The following C3orf70 variants were observed in gnomAD, a reference collection of about 807,000 sequenced individuals.
The protein encoded by C3orf70 is chromosome 3 open reading frame 70, also known as UPF0524 protein C3orf70.
Under a neutral mutation model 20.7 loss-of-function variants are expected in C3orf70, and 15 were observed. The ratio of observed to expected loss-of-function variants is 0.72; its 90% confidence interval spans 0.48 to 1.11. The LOEUF is 1.11. Among genes scored for constraint, C3orf70 ranks in the 50% most tolerant of loss-of-function variants. The probability of loss-of-function intolerance (pLI) is 0.00; values close to 1 mark genes in which losing one functional copy is unlikely to be tolerated. For missense variants in C3orf70, 332 were observed against 317.6 expected, an observed-to-expected ratio of 1.05 and a Z score of -0.34; for synonymous variants, 161 against 125.7, an observed-to-expected ratio of 1.28 and a Z score of -1.88.
At chr3:185,110,108 C>A (rs936878107) in intron 1 of C3orf70, among the ~76,000 whole-genome samples, 22 of 152,166 alleles carry the variant, frequency 1.4e-4, no homozygotes, top group Admixed American at 1.0e-3. Context: ...TATAGTGGCA[C>A]CTCAACCTCA....
intron 1 of C3orf70, among the ~76,000 whole-genome samples, chr3:185,121,135 A>C (rs1248609354): frequency 2.0e-5 from 3 of 152,184 alleles, no homozygotes; most frequent in Non-Finnish European, 2.9e-5. Flanking sequence ...AGGAATGGAA[A>C]ACCAAACATC....
Position 185,130,636 on chromosome 3 carries a change from A to G in C3orf70, c.196+21992T>C, listed in dbSNP as rs529180372. Among the ~76,000 whole-genome samples the G allele has an allele frequency of 3.3e-5, 5 of 152,292 alleles. No individual in the cohort carries two copies. The South Asian group carries it at 1.0e-3, about 32-fold the overall frequency. On this transcript the variant is annotated intron_variant, in intron 1 of 1. Transcript: ENST00000335012. ...TCCCTATTCTCCCCTTCCCTGGTCCATCGCAACCCCTCATCTACTTTCTGT... is the reference window on the plus strand; with the variant it reads ...TCCCTATTCTCCCCTTCCCTGGTCCGTCGCAACCCCTCATCTACTTTCTGT...
chr3:185,117,593 C>T (rs1716207680), intron 1 of C3orf70, among the ~76,000 whole-genome samples: 1 of 152,208 alleles, frequency 6.6e-6, no homozygotes, highest in Admixed American at 6.5e-5. Context: ...GCCTTGCCTT[C>T]CACAGTAATC....
chr3:185,102,953 G>A lies in C3orf70; in HGVS notation c.197-19390C>T, dbSNP rs149746163. Among the ~76,000 whole-genome samples the A allele has an allele frequency of 4.3e-4, 66 of 152,228 alleles. No homozygotes were observed. In the East Asian group the frequency reaches 8.7e-3, roughly 20 times the overall value. On this transcript the variant is annotated intron_variant, in intron 1 of 1. Transcript: ENST00000335012. ...TAAAACCCAAAACTATAAAAACCCT[G>A]GAAGACGGCCAGGCATGGCAGTGGC... is the stretch of plus-strand genomic sequence containing the variant.
chr3:185,099,401 A>G (rs1374066564), intron 1 of C3orf70, among the ~76,000 whole-genome samples: 1 of 152,254 alleles, frequency 6.6e-6, no homozygotes, highest in East Asian at 1.9e-4. Flanking sequence ...AAGCCAGAAG[A>G]GACTGGGGGC....
At chr3:185,084,275 T>C (rs780745913) in intron 1 of C3orf70, among the ~76,000 whole-genome samples, 3 of 152,098 alleles carry the variant, frequency 2.0e-5, no homozygotes, top group Non-Finnish European at 4.4e-5. Context: ...TTAATGTATA[T>C]ATTTTTCCAG....
chr3:185,145,850 T>C (rs1264177944), intron 1 of C3orf70, among the ~76,000 whole-genome samples: 1 of 152,256 alleles, frequency 6.6e-6, no homozygotes, highest in Non-Finnish European at 1.5e-5. Context: ...CACATAGCCA[T>C]GATGTGTGTT....
intron 1 of C3orf70, among the ~76,000 whole-genome samples, chr3:185,094,477 T>G (rs993505848): frequency 6.6e-6 from 1 of 152,272 alleles, no homozygotes; most frequent in Middle Eastern, 3.4e-3. Flanking sequence ...CCGGTGGATA[T>G]GAAGAGCCCA....
intron 1 of C3orf70, among the ~76,000 whole-genome samples, chr3:185,087,477 A>T (rs1437355501): frequency 6.6e-6 from 1 of 152,224 alleles, no homozygotes; most frequent in African/African-American, 2.4e-5. Flanking sequence ...AAAATATATT[A>T]GCCTTTAAAA....
intron 1 of C3orf70, among the ~76,000 whole-genome samples, chr3:185,103,755 G>A (rs567012374): frequency 1.3e-5 from 2 of 152,148 alleles, no homozygotes; most frequent in Non-Finnish European, 2.9e-5. Flanking sequence ...CAAAAATAGA[G>A]CAGCCTGGGG....
At chr3:185,152,087 A>ATCCC (rs1193931445) in intron 1 of C3orf70, among the ~76,000 whole-genome samples, 1 of 152,178 alleles carries the variant, frequency 6.6e-6, no homozygotes, top group Non-Finnish European at 1.5e-5. Context: ...CTTGGAAGCA[A>ATCCC]TCCCTCCCAC....
chr3:185,119,756 T>C (rs1433062322), intron 1 of C3orf70, among the ~76,000 whole-genome samples: 1 of 151,892 alleles, frequency 6.6e-6, no homozygotes, highest in Non-Finnish European at 1.5e-5. Flanking sequence ...CTGGGTGCGG[T>C]GGCTCACGCC....
Position 185,083,325 on chromosome 3 carries a change from A to G in C3orf70, c.435T>C (p.Tyr145=), listed in dbSNP as rs747348816. Residue 145 remains tyrosine, a synonymous_variant, in exon 2 of 2, where the codon TAT becomes TAC. Coordinates refer to ENST00000335012, the MANE Select transcript of C3orf70 (RefSeq NM_001025266.3). The part of the protein sequence containing the change: ...QVKCINGKMC[Y]VQKQPAPHSH... ...AATGTGGTGCCGGCTGCTTCTGCAC[A>G]TAACACATCTTCCCATTAATACATT... 20 of 1,614,124 alleles carry G rather than the reference A, an allele frequency of 1.2e-5. No individual in the cohort carries two copies. The highest frequency in any genetic ancestry group is 1.2e-4 in the African/African-American group (9 of 74,940).
At chr3:185,109,783 T>C (rs1716024831) in intron 1 of C3orf70, among the ~76,000 whole-genome samples, 1 of 152,050 alleles carries the variant, frequency 6.6e-6, no homozygotes, top group Non-Finnish European at 1.5e-5. Flanking sequence ...ATCTCAGTAT[T>C]TACCATAATA....
At chr3:185,105,259 C>A (rs11928678) in intron 1 of C3orf70, among the ~76,000 whole-genome samples, 10,709 of 152,306 alleles carry the variant, frequency 0.07, 752 homozygotes, top group African/African-American at 0.19. Context: ...ACTGGCCATA[C>A]ACAAAATCTC....
At chr3:185,134,662 G>C (rs1716586792) in intron 1 of C3orf70, among the ~76,000 whole-genome samples, 1 of 152,074 alleles carries the variant, frequency 6.6e-6, no homozygotes, top group African/African-American at 2.4e-5. Flanking sequence ...GAGAATAACT[G>C]CTCTACTCCA....
chr3:185,144,142 C>T (rs1052000085), intron 1 of C3orf70, among the ~76,000 whole-genome samples: 4 of 152,066 alleles, frequency 2.6e-5, no homozygotes, highest in Admixed American at 1.3e-4. Context: ...CAAATCAGTA[C>T]GGTCACAGGG....
At chr3:185,138,826 G>A (rs1220550012) in intron 1 of C3orf70, among the ~76,000 whole-genome samples, 2 of 152,142 alleles carry the variant, frequency 1.3e-5, no homozygotes, top group East Asian at 1.9e-4. Context: ...TTGGCTGGGC[G>A]CAGTGGCTCA....
rs1561345408 is a variant in C3orf70, at chr3:185,110,546, G to GCC, written c.197-26984_197-26983insGG. Reference sequence around the variant, plus strand: ...GAATAAGGGGGACGTGTTAGGAGCAGGCCCCCCCTCAAAATCTGGCCATAA... The same window carrying GCC: ...GAATAAGGGGGACGTGTTAGGAGCAGCCGCCCCCCCTCAAAATCTGGCCATAA... On this transcript the variant is annotated intron_variant, in intron 1 of 1. Transcript: ENST00000335012. 3.0e-3 allele frequency among the ~76,000 whole-genome samples: 445 copies of GCC among 149,638 alleles called. 1 individual carries two copies. The highest frequency in any genetic ancestry group is 0.011 in the African/African-American group (429 of 39,028).
Sources: gnomAD v4.1 joint callset for allele counts (sites outside exome capture counted in the v4.1 genomes callset) on GRCh38, gnomAD v4.1.1 for gene constraint, MANE v1.5 for transcripts, NCBI Gene and HGNC (gene_info 2026-07-23, HGNC 2026-07-21) for gene names.